APBA1: variants seen among roughly 807,000 people sequenced by gnomAD.
The protein encoded by APBA1 is amyloid-beta A4 precursor protein-binding family A member 1.
Under a neutral mutation model 86.6 loss-of-function variants are expected in APBA1, and 55 were observed. The ratio of observed to expected loss-of-function variants is 0.64; its 90% CI spans 0.51 to 0.80. The LOEUF (loss-of-function observed/expected upper bound fraction) is 0.80. Among genes scored for constraint, APBA1 ranks in the 30% least tolerant of loss-of-function variants. APBA1 has a pLI of 0.00. For missense variants in APBA1, 1,090 were observed against 1,183.0 expected, an observed-to-expected ratio of 0.92 and a Z score of 1.15; for synonymous variants, 511 against 493.9, an observed-to-expected ratio of 1.03 and a Z score of -0.46.
intron 11 of APBA1, among the ~76,000 whole-genome samples, chr9:69,440,419 A>G (rs551219011): frequency 0.043 from 6,396 of 148,794 alleles, 526 homozygotes; most frequent in African/African-American, 0.16. Flanking sequence ...CTTGAGCTGT[A>G]GTGGGCTCCA....
chr9:69,466,247 C>T lies in APBA1; in HGVS notation c.1482+1576G>A, dbSNP rs1835278291. On this transcript the variant is annotated intron_variant, in intron 5 of 12. Coordinates refer to ENST00000265381, the MANE Select transcript of APBA1 (RefSeq NM_001163.4). ...GGAAGCCATGAGAGGGACGTGGGGC[C>T]ATTCACACAGCATCCTGGGAACTGC... 2.6e-5 allele frequency among the ~76,000 whole-genome samples: 4 copies of T among 152,246 alleles called. No individual in the cohort carries two copies. The South Asian group carries it at 8.3e-4, about 32-fold the overall frequency.
chr9:69,566,696 TC>T (rs1294493896), intron 1 of APBA1, among the ~76,000 whole-genome samples: 1 of 152,148 alleles, frequency 6.6e-6, no homozygotes, highest in African/African-American at 2.4e-5. Flanking sequence ...CATTCTCTCC[TC>T]AGAGCCTTTG....
At chr9:69,510,987 A>G (rs550906917) in intron 2 of APBA1, among the ~76,000 whole-genome samples, 3 of 150,558 alleles carry the variant, frequency 2.0e-5, no homozygotes, top group South Asian at 4.3e-4. Flanking sequence ...AAACCTAGGC[A>G]TTACCATTCA....
At chr9:69,548,834 G>C (rs965188463) in intron 1 of APBA1, among the ~76,000 whole-genome samples, 5 of 152,214 alleles carry the variant, frequency 3.3e-5, no homozygotes, top group African/African-American at 1.2e-4. Context: ...AAGCCCCTTT[G>C]TTCTTCTCTT....
intron 1 of APBA1, among the ~76,000 whole-genome samples, chr9:69,659,920 C>T (rs1335604061): frequency 6.6e-6 from 1 of 152,174 alleles, no homozygotes; most frequent in Admixed American, 6.5e-5. Context: ...TTGTTCCTTT[C>T]CTTAACAAAT....
chr9:69,604,680 GCA>G (rs1822432370), intron 1 of APBA1, among the ~76,000 whole-genome samples: 1 of 144,912 alleles, frequency 6.9e-6, no homozygotes, highest in African/African-American at 2.6e-5. Context: ...AGGCATATGA[GCA>G]TGGGCACACA....
At position 69,514,089 on chromosome 9, in the gene APBA1, C is replaced by T. The variant is rs572453305; in HGVS notation, c.1200+1922G>A. ...ATATATTCTGAACAGATTGTGACAC[C>T]TAAGCTTGCCATGTTATCACATTTC... On this transcript the variant is annotated intron_variant, in intron 2 of 12. Coordinates refer to ENST00000265381, the MANE Select transcript of APBA1 (RefSeq NM_001163.4). Among the ~76,000 whole-genome samples the T allele has an allele frequency of 1.2e-4, 19 of 152,268 alleles. No individual in the cohort carries two copies. The South Asian group carries it at 1.7e-3, about 13-fold the overall frequency.
At chr9:69,519,818 A>T (rs981812075) in intron 1 of APBA1, among the ~76,000 whole-genome samples, 2 of 152,216 alleles carry the variant, frequency 1.3e-5, no homozygotes, top group African/African-American at 4.8e-5. Context: ...ATTTTAGCTT[A>T]TTCTGGGTTA....
At position 69,516,404 on chromosome 9, in the gene APBA1, G is replaced by C; in HGVS notation, c.807C>G (p.Asp269Glu). The C allele has an allele frequency of 6.2e-7, 1 of 1,604,650 alleles. No homozygotes were observed. Among genetic ancestry groups the C allele is most frequent in the Non-Finnish European group, 8.5e-7 (1 of 1,178,704 alleles). ...TCACCTCGGCCACTATCTGGTCGATGTCCTCCTCCTGCTCGTAGCTGTCCA... is the reference window on the plus strand; with the variant it reads ...TCACCTCGGCCACTATCTGGTCGATCTCCTCCTCCTGCTCGTAGCTGTCCA... Reference protein sequence around the residue: ...PRMDSYEQEEDIDQIVAEVKQ... With the variant: ...PRMDSYEQEEEIDQIVAEVKQ... Residue 269 changes from aspartate (D) to glutamate (E), a missense_variant, in exon 2 of 13, where the codon GAC becomes GAG. Asp to Glu is a conservative substitution (Grantham distance 45, BLOSUM62 2). Around this residue, in one of 6 missense-constraint regions of APBA1, gnomAD observed 678 missense variants for 647.1 expected, o/e 1.05. Transcript: ENST00000265381. This position sits in a 1 kb window ranked among gnomAD's most constrained non-coding sequence, Gnocchi z 7.3.
intron 1 of APBA1, among the ~76,000 whole-genome samples, chr9:69,608,260 T>G (rs7031694): frequency 1.3e-5 from 2 of 152,006 alleles, no homozygotes; most frequent in African/African-American, 4.8e-5. Context: ...TCATAACATA[T>G]AGAAGTGTTT....
intron 5 of APBA1, among the ~76,000 whole-genome samples, chr9:69,466,914 A>C (rs990422628): frequency 2.0e-5 from 3 of 152,206 alleles, no homozygotes; most frequent in Non-Finnish European, 4.4e-5. Flanking sequence ...GTTCTAACCT[A>C]TTCCAACTTG....
At chr9:69,632,079 A>C (rs1184328549) in intron 1 of APBA1, among the ~76,000 whole-genome samples, 2 of 151,952 alleles carry the variant, frequency 1.3e-5, no homozygotes, top group African/African-American at 4.8e-5. Flanking sequence ...AATACAATAA[A>C]AAAATAGAAA....
chr9:69,456,594 C>T (rs1166251748), intron 7 of APBA1, among the ~76,000 whole-genome samples, 162 bp from the exon 8 acceptor site: 3 of 152,090 alleles, frequency 2.0e-5, no homozygotes, highest in South Asian at 4.2e-4. Context: ...CCACCCAGGC[C>T]GGAGGGCATT....
chr9:69,448,838 A>C (rs2133805157), intron 10 of APBA1, among the ~76,000 whole-genome samples: 1 of 152,310 alleles, frequency 6.6e-6, no homozygotes, highest in South Asian at 2.1e-4. Flanking sequence ...ATGGAGGAGG[A>C]ACATCCTGGT....
At chr9:69,445,801 C>G (rs548769326) in intron 10 of APBA1, among the ~76,000 whole-genome samples, 1 of 152,158 alleles carries the variant, frequency 6.6e-6, no homozygotes. Context: ...CAATAGTCAA[C>G]CAGTATTGAA....
chr9:69,629,940 A>G (rs566668634), intron 1 of APBA1, among the ~76,000 whole-genome samples: 2 of 152,194 alleles, frequency 1.3e-5, no homozygotes, highest in Non-Finnish European at 2.9e-5. Flanking sequence ...TACATTAGCG[A>G]ACAAAGCAGA....
intron 2 of APBA1, among the ~76,000 whole-genome samples, chr9:69,503,715 G>A (rs1036250257): frequency 2.0e-5 from 3 of 151,960 alleles, no homozygotes; most frequent in Admixed American, 2.0e-4. Context: ...AAAACTCCTG[G>A]TGGCACAAAT....
chr9:69,577,608 A>T (rs1821829322), intron 1 of APBA1, among the ~76,000 whole-genome samples: 1 of 152,182 alleles, frequency 6.6e-6, no homozygotes, highest in Non-Finnish European at 1.5e-5. Context: ...TGAAGAAACC[A>T]CAGGAGGGAA....
intron 1 of APBA1, among the ~76,000 whole-genome samples, chr9:69,574,269 C>T (rs1821734337): frequency 6.6e-6 from 1 of 152,086 alleles, no homozygotes; most frequent in South Asian, 2.1e-4. Flanking sequence ...GAAAAAGTTC[C>T]CAGAATAGTT....
Sources: allele counts gnomAD v4.1 joint callset (sites outside exome capture counted in the v4.1 genomes callset), GRCh38; gene constraint gnomAD v4.1.1; regional missense constraint gnomAD v4.1.1; non-coding constraint Gnocchi (gnomAD v3.1); transcripts MANE v1.5; gene names NCBI Gene and HGNC (gene_info 2026-07-23, HGNC 2026-07-21).